Variants in ODAD1 observed in about 807,000 individuals in gnomAD.
The protein encoded by ODAD1 is outer dynein arm-docking complex subunit 1.
Under a neutral mutation model 67.2 loss-of-function variants are expected in ODAD1, and 49 were observed. That is an observed-to-expected ratio of 0.73 (90% CI 0.58 to 0.92). ODAD1 has a LOEUF of 0.92. Among genes scored for constraint, ODAD1 ranks in the 40% least tolerant of loss-of-function variants. The pLI is 0.00. For missense variants in ODAD1, 897 were observed against 953.7 expected, an observed-to-expected ratio of 0.94 and a Z score of 0.78; for synonymous variants, 345 against 393.7, an observed-to-expected ratio of 0.88 and a Z score of 1.46.
intron 5 of ODAD1, among the ~76,000 whole-genome samples, chr19:48,315,437 A>C (rs796636157): frequency 6.3e-4 from 96 of 152,156 alleles, no homozygotes; most frequent in African/African-American, 2.0e-3. Flanking sequence ...CCAACTACCC[A>C]GGAGGCTGAG....
At chr19:48,303,141 AAACAGAGACAGAGAG>A (rs773012406) in intron 10 of ODAD1, 46 bp from the exon 11 acceptor site, 10 of 1,383,638 alleles carry the variant, frequency 7.2e-6, no homozygotes, top group Admixed American at 5.0e-5. Context: ...GGAGACAGAG[AAACAGAGACAGAGAG>A]AACAGAGACA....
rs998674642 is a variant in ODAD1, at chr19:48,297,678, G to A, written c.1503-10C>T. ...ACCCGGGGGGTCTTCTCTGGGGAGG[G>A]GAAGGAAAATTGGAAAAGACTAGAC... On this transcript the variant is annotated splice_polypyrimidine_tract_variant and intron_variant, in intron 14 of 15. Transcript: ENST00000674294. 2 of 1,500,526 alleles carry A rather than the reference G, an allele frequency of 1.3e-6. No individual in the cohort carries two copies. Among genetic ancestry groups the A allele is most frequent in the African/African-American group, 2.8e-5 (2 of 71,252 alleles). The allele number at this position is 1,500,526 out of a possible 1,614,324, so 93.0% of individuals were successfully genotyped here.
In ODAD1 at chr19:48,296,841, T is replaced by C. The variant is rs1968295008; in HGVS notation, c.*135A>G. ...GGTGATGAAGGGCAGATGAAAACAG[T>C]TGAAGGGGCAAAAAGACAGAGGCCT... On this transcript the variant is annotated 3_prime_UTR_variant, in exon 16 of 16. Coordinates refer to ENST00000674294, the MANE Select transcript of ODAD1 (RefSeq NM_001364171.2). The C allele has an allele frequency of 4.2e-6, 6 of 1,432,264 alleles. No homozygotes were observed. In the South Asian group the frequency reaches 6.1e-5, roughly 15 times the overall value. The allele number at this position is 1,432,264 out of a possible 1,614,324, so 88.7% of individuals were successfully genotyped here.
In ODAD1 at chr19:48,320,220, C is replaced by T. The variant is rs933549976; in HGVS notation, c.70+79G>A. 42 of 976,038 alleles carry T rather than the reference C, an allele frequency of 4.3e-5. No homozygotes were observed. The Middle Eastern group carries it at 1.2e-3, about 28-fold the overall frequency. 60.5% of individuals were successfully genotyped at this position (976,038 alleles called of 1,614,324 possible). A position where few individuals can be genotyped will look rare whatever the true frequency, so the allele number is the denominator to read the frequency against. On this transcript the variant is annotated intron_variant, in intron 3 of 15. Transcript: ENST00000674294. ...GCTCCTGGACAGACACTCTCCCTCC[C>T]TCCCTACAGGACCTGGAACTTGGGA... is the stretch of plus-strand genomic sequence containing the variant.
intron 5 of ODAD1, among the ~76,000 whole-genome samples, chr19:48,314,217 G>A (rs1968840564): frequency 6.6e-6 from 1 of 152,172 alleles, no homozygotes; most frequent in South Asian, 2.1e-4. Context: ...ATGTCTACAA[G>A]CCAAAGTACC....
Position 48,297,168 on chromosome 19 carries a change from G to C in ODAD1, c.1932C>G (p.Ser644Arg), listed in dbSNP as rs773108289. 3 of 1,614,050 alleles carry C rather than the reference G, an allele frequency of 1.9e-6. No individual in the cohort carries two copies. Among genetic ancestry groups the C allele is most frequent in the Admixed American group, 3.3e-5 (2 of 60,008 alleles). Residue 644 changes from serine (S) to arginine (R), a missense_variant, in exon 16 of 16, where the codon AGC (serine) becomes AGG (arginine). Physicochemically the swap from Ser to Arg is moderately radical, Grantham distance 110. Transcript: ENST00000674294. The stretch of plus-strand genomic sequence containing the variant: ...CGTATCCAGTGGAGCCCAGGTAGCT[G>C]CTGGCGCTGACGGGTCTGAAGGTCA... ...GHVTFRPVSA[S>R]SYLGSTGYVG...
chr19:48,313,426 CAAAA>C (rs568077350), intron 5 of ODAD1, among the ~76,000 whole-genome samples: 3 of 30,032 alleles, frequency 1.0e-4, no homozygotes, highest in South Asian at 2.1e-3. Flanking sequence ...GACTCCATCT[CAAAA>C]AAAAAAAAAA....
intron 7 of ODAD1, among the ~76,000 whole-genome samples, chr19:48,307,912 A>G (rs1056292260): frequency 6.6e-6 from 1 of 151,878 alleles, no homozygotes; most frequent in Non-Finnish European, 1.5e-5. Flanking sequence ...AAAATGGCCA[A>G]CCCCAGGGAT....
At chr19:48,315,126 A>G (rs1968863894) in intron 5 of ODAD1, among the ~76,000 whole-genome samples, 1 of 150,964 alleles carries the variant, frequency 6.6e-6, no homozygotes, top group Admixed American at 6.6e-5. Context: ...ACCCAGGCCG[A>G]GTGCAGTGGC....
chr19:48,313,744 C>T (rs951004411), intron 5 of ODAD1, among the ~76,000 whole-genome samples: 1 of 151,834 alleles, frequency 6.6e-6, no homozygotes, highest in Non-Finnish European at 1.5e-5. Flanking sequence ...ATTAGCTGGG[C>T]ATGGTGGTGC....
At chr19:48,313,845 T>G (rs537348955) in intron 5 of ODAD1, among the ~76,000 whole-genome samples, 4 of 152,174 alleles carry the variant, frequency 2.6e-5, no homozygotes, top group Admixed American at 1.3e-4. Context: ...ATTGAGCCAC[T>G]GTACTCCAGC....
chr19:48,310,664 T>C (rs1048872281), intron 7 of ODAD1, among the ~76,000 whole-genome samples: 1 of 152,098 alleles, frequency 6.6e-6, no homozygotes, highest in Non-Finnish European at 1.5e-5. Flanking sequence ...CACACACCAA[T>C]AGTAAGAGTG....
At chr19:48,313,463 CATGTTGAAGTCTTAACCCCCAG>C (rs1162914181) in intron 5 of ODAD1, among the ~76,000 whole-genome samples, 3 of 144,580 alleles carry the variant, frequency 2.1e-5, no homozygotes, top group Non-Finnish European at 3.0e-5. Flanking sequence ...AAAAACCTCA[CATGTTGAAGTCTTAACCCCCAG>C]TACTTTAGAA....
chr19:48,316,185 C>G (rs947901980), intron 5 of ODAD1, among the ~76,000 whole-genome samples: 2 of 152,028 alleles, frequency 1.3e-5, no homozygotes, highest in Admixed American at 6.6e-5. Context: ...TCAAGACCAG[C>G]CTGGCCAACA....
chr19:48,296,761 A>T lies in ODAD1; in HGVS notation c.*215T>A. On this transcript the variant is annotated 3_prime_UTR_variant, in exon 16 of 16. Transcript: ENST00000674294. Reference sequence around the variant, plus strand: ...CAGAGAACAGGAGATCAGGAGTCAGAGGGAAAAGCAGTGTCAGGAGCAGAG... The same window carrying T: ...CAGAGAACAGGAGATCAGGAGTCAGTGGGAAAAGCAGTGTCAGGAGCAGAG... 1 of 1,392,774 alleles carries T rather than the reference A, an allele frequency of 7.2e-7. No individual in the cohort carries two copies. Among genetic ancestry groups the T allele is most frequent in the African/African-American group, 1.5e-5 (1 of 68,320 alleles). The allele number at this position is 1,392,774 out of a possible 1,614,324, so 86.3% of individuals were successfully genotyped here.
chr19:48,297,559 C>CT, intron 15 of ODAD1, 31 bp downstream of exon 15: 1 of 1,589,716 alleles, frequency 6.3e-7, no homozygotes, highest in Non-Finnish European at 8.6e-7. Context: ...ACACTGAGGC[C>CT]TGGCCCCACC....
intron 5 of ODAD1, among the ~76,000 whole-genome samples, chr19:48,316,456 G>C (rs1370011460): frequency 6.6e-6 from 1 of 152,058 alleles, no homozygotes; most frequent in African/African-American, 2.4e-5. Context: ...CCCACCAGTG[G>C]AGTATGAGAG....
At position 48,296,954 on chromosome 19, in the gene ODAD1, TG is replaced by T; in HGVS notation, c.*21del. On this transcript the variant is annotated 3_prime_UTR_variant, in exon 16 of 16. Transcript: ENST00000674294. ...GACCCCACAGAGAGCCAGGGCAGGG[TG>T]GGGGCTGCGTGCCCCTCGTGTTAGC... 1.3e-6 allele frequency: 2 copies of T among 1,556,728 alleles called. No individual in the cohort carries two copies.
intron 3 of ODAD1, chr19:48,319,446 G>T: frequency 1.0e-6 from 1 of 985,642 alleles, no homozygotes; most frequent in Non-Finnish European, 1.2e-6. Flanking sequence ...CTCCAGTCTT[G>T]CCCGTATGCT....
Sources: gnomAD v4.1 joint callset for allele counts (sites outside exome capture counted in the v4.1 genomes callset) on GRCh38, gnomAD v4.1.1 for gene constraint, MANE v1.5 for transcripts, NCBI Gene and HGNC (gene_info 2026-07-23, HGNC 2026-07-21) for gene names.